EPS8L2: variants seen among roughly 807,000 people sequenced by gnomAD.
EPS8L2 encodes the protein epidermal growth factor receptor kinase substrate 8-like protein 2.
In EPS8L2, 81 loss-of-function variants were observed where a neutral mutation model predicts 99.4. That is an observed-to-expected ratio of 0.82 (90% confidence interval 0.68 to 0.98). The LOEUF is 0.98. Among genes scored for constraint, EPS8L2 ranks in the 50% least tolerant of loss-of-function variants. The probability of loss-of-function intolerance (pLI) is 0.00; values close to 1 mark genes in which losing one functional copy is unlikely to be tolerated. For missense variants in EPS8L2, 1,155 were observed against 968.8 expected, an observed-to-expected ratio of 1.19 and a Z score of -2.55; for synonymous variants, 509 against 407.3, an observed-to-expected ratio of 1.25 and a Z score of -3.01.
rs1442077572 is a variant in EPS8L2, at chr11:706,302, A to G, written c.-79+14A>G. ...CGCCGGAGGCAGGTGAGCGCTGCGGACACGGGGGAGCGCGCCCGCCCGGGC... is the reference window on the plus strand; with the variant it reads ...CGCCGGAGGCAGGTGAGCGCTGCGGGCACGGGGGAGCGCGCCCGCCCGGGC... On this transcript the variant is annotated intron_variant, in intron 1 of 20. Transcript: ENST00000318562. 3.3e-5 allele frequency: 5 copies of G among 151,318 alleles called. No individual in the cohort carries two copies. Among genetic ancestry groups the G allele is most frequent in the African/African-American group, 7.3e-5 (3 of 41,094 alleles). 9.4% of individuals were successfully genotyped at this position (151,318 alleles called of 1,614,324 possible). A position where few individuals can be genotyped will look rare whatever the true frequency, so the allele number is the denominator to read the frequency against.
intron 3 of EPS8L2, chr11:710,197 T>C (rs1269352611): frequency 7.3e-6 from 4 of 547,308 alleles, no homozygotes; most frequent in Non-Finnish European, 6.6e-6. Context: ...AGCAAGCCCA[T>C]CGCCTTCTCC....
chr11:725,930 G>A lies in EPS8L2; in HGVS notation c.1680+83G>A. ...TGCGCCTAGCCCCGCCCCAAGGCCA[G>A]CCCCGCGGCTGGAGAGACTGGGGCA... On this transcript the variant is annotated intron_variant, in intron 17 of 20. Coordinates refer to ENST00000318562, the MANE Select transcript of EPS8L2 (RefSeq NM_022772.4). 3 of 1,383,888 alleles carry A rather than the reference G, an allele frequency of 2.2e-6. No individual in the cohort carries two copies. In the South Asian group the frequency reaches 4.8e-5, roughly 22 times the overall value. The allele number at this position is 1,383,888 out of a possible 1,614,324, so 85.7% of individuals were successfully genotyped here. A position where few individuals can be genotyped will look rare whatever the true frequency, so the allele number is the denominator to read the frequency against.
At position 721,218 on chromosome 11, in the gene EPS8L2, G is replaced by A; in HGVS notation, c.700+12G>A. On this transcript the variant is annotated intron_variant, in intron 8 of 20. Transcript: ENST00000318562. ...ACTCAGCGAGCCAGGTGGGCCGAGG[G>A]GCTGGAGGGGGCTCCACAGGGCTCG... 1 of 1,533,082 alleles carries A rather than the reference G, an allele frequency of 6.5e-7. No individual in the cohort carries two copies. Among genetic ancestry groups the A allele is most frequent in the Non-Finnish European group, 8.8e-7 (1 of 1,142,130 alleles). 95.0% of individuals were successfully genotyped at this position (1,533,082 alleles called of 1,614,324 possible). A position where few individuals can be genotyped will look rare whatever the true frequency, so the allele number is the denominator to read the frequency against.
At chr11:709,277 G>A in intron 1 of EPS8L2, 53 bp from the exon 2 acceptor site, 1 of 1,136,468 alleles carries the variant, frequency 8.8e-7, no homozygotes, top group Non-Finnish European at 1.3e-6. Flanking sequence ...GGAAGGAGGG[G>A]AGGAACCAGC....
At chr11:720,985 G>GGGGAGGGGAGGAGCCGGCAGGGA (rs1862153297) in intron 7 of EPS8L2, 76 bp downstream of exon 7, 137 of 1,372,676 alleles carry the variant, frequency 1.0e-4, no homozygotes, top group South Asian at 3.6e-4. Context: ...GGAGCCGGCA[G>GGGGAGGGGAGGAGCCGGCAGGGA]GGGAGGGGAG....
rs745393219 is a variant in EPS8L2 at position 722,786 on chromosome 11, C to T, written c.1322C>T (p.Ala441Val). Residue 441 changes from alanine (A) to valine (V), a missense_variant, in exon 14 of 21, where the codon GCG (alanine) becomes GTG (valine). Coordinates refer to ENST00000318562, the MANE Select transcript of EPS8L2 (RefSeq NM_022772.4). The stretch of plus-strand genomic sequence containing the variant: ...GCCCCCTGGGAGGTGGAGGGGCTGG[C>T]GTCTGCCCCCATCGAGGAGGTGAGA... Reference protein sequence around the residue: ...QEAPWEVEGLASAPIEEVSPV... With the variant: ...QEAPWEVEGLVSAPIEEVSPV... The T allele has an allele frequency of 5.7e-6, 9 of 1,587,582 alleles. No homozygotes were observed. In the East Asian group the frequency reaches 6.8e-5, roughly 12 times the overall value.
In EPS8L2 at chr11:721,301, G is replaced by A. The variant is rs1175653866; in HGVS notation, c.717G>A (p.Glu239=). ...PLSEPGFRRR[E]SQEEPRAVLA... ...CCCCATCAGGTTTCCGCCGTCGGGA[G>A]TCGCAGGAGGAGCCGCGGGCCGTGC... Residue 239 remains glutamate (E), a synonymous_variant, in exon 9 of 21, where the codon GAG becomes GAA. Transcript: ENST00000318562. 2 of 1,540,410 alleles carry A rather than the reference G, an allele frequency of 1.3e-6. No individual in the cohort carries two copies. Among genetic ancestry groups the A allele is most frequent in the Non-Finnish European group, 1.7e-6 (2 of 1,146,640 alleles).
chr11:720,627 G>A lies in EPS8L2; in HGVS notation c.358G>A (p.Val120Met), dbSNP rs1387458924. ...EELEDFPLPT[V>M]QRSQTVLNQL... ...GCTGGAAGACTTCCCGCTGCCCACG[G>A]TGCAGCGCAGCCAGACGGTCCTCAA... Residue 120 changes from valine (V) to methionine (M), a missense_variant, in exon 6 of 21, where the codon GTG becomes ATG. Physicochemically the swap from Val to Met is conservative, Grantham distance 21 (BLOSUM62 1). Coordinates refer to ENST00000318562, the MANE Select transcript of EPS8L2 (RefSeq NM_022772.4). The A allele has an allele frequency of 5.0e-6, 8 of 1,599,904 alleles. No homozygotes were observed. Among genetic ancestry groups the A allele is most frequent in the South Asian group, 1.1e-5 (1 of 88,602 alleles).
chr11:726,811 G>T (rs1001011538), intron 20 of EPS8L2, 60 bp downstream of exon 20: 2 of 1,579,778 alleles, frequency 1.3e-6, no homozygotes, highest in East Asian at 2.3e-5. Context: ...CCTCTCCCCC[G>T]CCCGTTCCTG....
intron 15 of EPS8L2, 95 bp downstream of exon 15, chr11:723,448 C>G: frequency 1.9e-6 from 1 of 535,230 alleles, no homozygotes; most frequent in Non-Finnish European, 3.3e-6. Flanking sequence ...CAGGTGGTGG[C>G]AAGTGCATTG....
rs1265416229 is a variant in EPS8L2, at chr11:726,997, G to A, written c.*16G>A. On this transcript the variant is annotated 3_prime_UTR_variant, in exon 21 of 21. Transcript: ENST00000318562. ...GGACAGCTAGGCCCAGCTGCCTTGG[G>A]CTGGGGCCTGCGGAGGGGAAGCCCA... 3.8e-6 allele frequency: 6 copies of A among 1,592,802 alleles called. No individual in the cohort carries two copies. Among genetic ancestry groups the A allele is most frequent in the Admixed American group, 1.7e-5 (1 of 59,312 alleles).
Position 726,760 on chromosome 11 carries a change from G to A in EPS8L2, c.2067+9G>A, listed in dbSNP as rs754179486. 1.4e-5 allele frequency: 22 copies of A among 1,586,552 alleles called. No homozygotes were observed. In the Admixed American group the frequency reaches 2.9e-4, roughly 21 times the overall value. On this transcript the variant is annotated intron_variant, in intron 20 of 20. Coordinates refer to ENST00000318562, the MANE Select transcript of EPS8L2 (RefSeq NM_022772.4). ...AGAAGGCCTTCCTGGAGGTGAGCCCGCCTGCGCTCCGGCGCCACGCCCCTC... is the reference window on the plus strand; with the variant it reads ...AGAAGGCCTTCCTGGAGGTGAGCCCACCTGCGCTCCGGCGCCACGCCCCTC...
rs1268447289 is a variant in EPS8L2, at chr11:706,237, A to G, written c.-130A>G. On this transcript the variant is annotated 5_prime_UTR_variant, in exon 1 of 21. Coordinates refer to ENST00000318562, the MANE Select transcript of EPS8L2 (RefSeq NM_022772.4). Reference sequence around the variant, plus strand: ...CCCCGGCCGAGGCGCGAACAGACGGACGCACCGGCGAGCGCCGAGGGGACA... The same window carrying G: ...CCCCGGCCGAGGCGCGAACAGACGGGCGCACCGGCGAGCGCCGAGGGGACA... 2 of 151,892 alleles carry G rather than the reference A, an allele frequency of 1.3e-5. No individual in the cohort carries two copies. The highest frequency in any genetic ancestry group is 2.4e-5 in the African/African-American group (1 of 41,362). The allele number at this position is 151,892 out of a possible 1,614,324, so 9.4% of individuals were successfully genotyped here. A position where few individuals can be genotyped will look rare whatever the true frequency, so the allele number is the denominator to read the frequency against.
Position 727,231 on chromosome 11 carries a change from TCTTGAGGCCA to T in EPS8L2, c.*252_*261del. The T allele has an allele frequency of 2.7e-6, 1 of 366,282 alleles. No individual in the cohort carries two copies. Among genetic ancestry groups the T allele is most frequent in the Non-Finnish European group, 4.9e-6 (1 of 203,760 alleles). 22.7% of individuals were successfully genotyped at this position (366,282 alleles called of 1,614,324 possible). ...TGGTGCCAGCCCCTTGTCCACCTTC[TCTTGAGGCCA>T]CAGAACTCCCTGGGGCTGGGGCCTC... On this transcript the variant is annotated 3_prime_UTR_variant, in exon 21 of 21. Transcript: ENST00000318562.
intron 16 of EPS8L2, among the ~76,000 whole-genome samples, chr11:725,215 A>G (rs1041120548): frequency 2.0e-5 from 3 of 152,232 alleles, no homozygotes; most frequent in Non-Finnish European, 4.4e-5. Context: ...GCTAGGGGGG[A>G]GTGGGCCACA....
chr11:720,839 G>A lies in EPS8L2; in HGVS notation c.487G>A (p.Val163Met). 6.5e-7 allele frequency: 1 copy of A among 1,542,530 alleles called. No individual in the cohort carries two copies. Among genetic ancestry groups the A allele is most frequent in the South Asian group, 1.2e-5 (1 of 83,976 alleles). ...FHCDEVEAEL[V>M]HEDIESALAD... ...ACGCCCGCTTTCCCAGGCAGAGCTG[G>A]TGCACGAGGACATCGAGAGCGCGTT... The change falls in exon 7 of 21, where the codon GTG becomes ATG. Residue 163 changes from valine (V) to methionine (M), a missense_variant. Transcript: ENST00000318562.
chr11:710,118 C>T (rs1861845344), intron 3 of EPS8L2: 2 of 414,170 alleles, frequency 4.8e-6, no homozygotes, highest in Admixed American at 4.0e-5. Context: ...CTGGGACCCC[C>T]TTCCTGTCCC....
rs558274728 is a variant in EPS8L2 at position 712,235 on chromosome 11, G to A, written c.165+1749G>A. 7.2e-5 allele frequency among the ~76,000 whole-genome samples: 11 copies of A among 152,082 alleles called. No individual in the cohort carries two copies. In the East Asian group the frequency reaches 1.2e-3, roughly 16 times the overall value. ...CGGGAAATGGAGGTTGCAGTGAGCC[G>A]GGATTGCGCCACTGCACTCCAGCCT... On this transcript the variant is annotated intron_variant, in intron 4 of 20. Transcript: ENST00000318562.
intron 4 of EPS8L2, among the ~76,000 whole-genome samples, chr11:718,100 A>T (rs994890748): frequency 2.0e-5 from 3 of 152,236 alleles, no homozygotes; most frequent in African/African-American, 7.2e-5. Flanking sequence ...TGGGAGGCTG[A>T]GGCGGGCAGA....
Sources: gnomAD v4.1 joint callset for allele counts (sites outside exome capture counted in the v4.1 genomes callset) on GRCh38, gnomAD v4.1.1 for gene constraint, MANE v1.5 for transcripts, NCBI Gene and HGNC (gene_info 2026-07-23, HGNC 2026-07-21) for gene names.